Variants in ZBTB8B observed in about 807,000 individuals in gnomAD.
ZBTB8B encodes zinc finger and BTB domain containing 8B, also known as zinc finger and BTB domain-containing protein 8B.
ZBTB8B carries 17 observed loss-of-function variants against 30.3 expected under a neutral mutation model. The observed-to-expected ratio is 0.56, with a 90% CI of 0.38 to 0.84. The LOEUF (loss-of-function observed/expected upper bound fraction) is 0.84. Among genes scored for constraint, ZBTB8B ranks in the 40% least tolerant of loss-of-function variants. The probability of loss-of-function intolerance (pLI) is 0.00; values close to 1 mark genes in which losing one functional copy is unlikely to be tolerated. For synonymous variants in ZBTB8B, 248 were observed against 255.6 expected, an observed-to-expected ratio of 0.97 and a Z score of 0.28; for missense variants, 515 against 644.9, an observed-to-expected ratio of 0.80 and a Z score of 2.18.
rs1003434245 is a variant in ZBTB8B, at chr1:32,484,603, C to CTGG, written c.1171-497_1171-495dup. Among the ~76,000 whole-genome samples the CTGG allele has an allele frequency of 3.3e-5, 5 of 152,090 alleles. No homozygotes were observed. The highest frequency in any genetic ancestry group is 1.2e-4 in the African/African-American group (5 of 41,410). On this transcript the variant is annotated intron_variant, in intron 3 of 3. Coordinates refer to ENST00000609129, the MANE Select transcript of ZBTB8B (RefSeq NM_001145720.2). The surrounding 1 kb of genome is among the most constrained non-coding windows in gnomAD (Gnocchi z 4.5). Reference sequence around the variant, plus strand: ...TCATGTTGAAATGTAATCCCTAATGCTGGAAGTGGGGCCTGGTGGGAGGTG... The same window carrying CTGG: ...TCATGTTGAAATGTAATCCCTAATGCTGGTGGAAGTGGGGCCTGGTGGGAGGTG...
chr1:32,473,837 A>G (rs540349313), intron 2 of ZBTB8B, among the ~76,000 whole-genome samples: 7 of 148,364 alleles, frequency 4.7e-5, no homozygotes, highest in African/African-American at 1.7e-4. Context: ...GAAACTTTCT[A>G]ATTTCTGGGT....
intron 2 of ZBTB8B, among the ~76,000 whole-genome samples, 191 bp downstream of exon 2, chr1:32,471,806 A>G (rs552377114): frequency 2.0e-5 from 3 of 152,156 alleles, no homozygotes; most frequent in African/African-American, 7.2e-5. Flanking sequence ...CATCACTACC[A>G]TCATCACCAG....
At chr1:32,476,908 T>C (rs777907191) in intron 2 of ZBTB8B, among the ~76,000 whole-genome samples, 1 of 152,184 alleles carries the variant, frequency 6.6e-6, no homozygotes, top group Admixed American at 6.5e-5. Flanking sequence ...CCCAGGACCC[T>C]AGAACAGAGC....
rs540466051 is a variant in ZBTB8B, at chr1:32,472,897, G to A, written c.991+1282G>A. On this transcript the variant is annotated intron_variant, in intron 2 of 3. Coordinates refer to ENST00000609129, the MANE Select transcript of ZBTB8B (RefSeq NM_001145720.2). ...CTCCCAAAGTGCCAGGATTATAGGC[G>A]TGAGCCACTGTGCCCGGCTGACTTG... Among the ~76,000 whole-genome samples the A allele has an allele frequency of 1.9e-3, 297 of 152,350 alleles. 1 individual carries two copies. Among genetic ancestry groups the A allele is most frequent in the African/African-American group, 6.5e-3 (270 of 41,578 alleles).
In ZBTB8B at chr1:32,480,969, A is replaced by G. The variant is rs1643699830; in HGVS notation, c.1070A>G (p.Lys357Arg). 5 of 1,552,176 alleles carry G rather than the reference A, an allele frequency of 3.2e-6. No individual in the cohort carries two copies. The highest frequency in any genetic ancestry group is 3.5e-6 in the Non-Finnish European group (4 of 1,147,192). ...ACTGCCAAACAGAAGGGCATCCTCA[A>G]GCGGCACATCCGTTCACACACAGGC... ...PYTAKQKGIL[K>R]RHIRSHTGER... Residue 357 changes from lysine (K) to arginine (R), a missense_variant, in exon 3 of 4, where the codon AAG (lysine) becomes AGG (arginine). Lys to Arg is a conservative substitution (Grantham distance 26). Coordinates refer to ENST00000609129, the MANE Select transcript of ZBTB8B (RefSeq NM_001145720.2).
At position 32,489,221 on chromosome 1, in the gene ZBTB8B, G is replaced by A. The variant is rs1005825879; in HGVS notation, c.*3803G>A. ...CCAAGATCTGATTTAGGTTTATAAT[G>A]TGGAAACTTAGAAAATTCTGACTCA... On this transcript the variant is annotated 3_prime_UTR_variant, in exon 4 of 4. Transcript: ENST00000609129. The A allele has an allele frequency of 6.6e-6, 1 of 152,220 alleles. No individual in the cohort carries two copies. Among genetic ancestry groups the A allele is most frequent in the Non-Finnish European group, 1.5e-5 (1 of 68,046 alleles). 9.4% of individuals were successfully genotyped at this position (152,220 alleles called of 1,614,324 possible). A position where few individuals can be genotyped will look rare whatever the true frequency, so the allele number is the denominator to read the frequency against.
At chr1:32,482,494 A>G (rs760978878) in intron 3 of ZBTB8B, among the ~76,000 whole-genome samples, 8 of 150,908 alleles carry the variant, frequency 5.3e-5, no homozygotes, top group Non-Finnish European at 7.4e-5. Context: ...AACATGGTGA[A>G]ACCCTGTCTC....
rs575553246 is a variant in ZBTB8B at position 32,495,929 on chromosome 1, G to A, written c.*10511G>A. The A allele has an allele frequency of 3.3e-5, 5 of 152,082 alleles. No homozygotes were observed. The highest frequency in any genetic ancestry group is 1.2e-4 in the African/African-American group (5 of 41,484). The allele number at this position is 152,082 out of a possible 1,614,324, so 9.4% of individuals were successfully genotyped here. A position where few individuals can be genotyped will look rare whatever the true frequency, so the allele number is the denominator to read the frequency against. On this transcript the variant is annotated 3_prime_UTR_variant, in exon 4 of 4. Coordinates refer to ENST00000609129, the MANE Select transcript of ZBTB8B (RefSeq NM_001145720.2). ...TTGAATGAATGCAATAAGGAATTGA[G>A]GATCGTCTCACATTAATGAGTGAAT...
In ZBTB8B at chr1:32,489,330, T is replaced by G. The variant is rs766989854; in HGVS notation, c.*3912T>G. 4 of 152,228 alleles carry G rather than the reference T, an allele frequency of 2.6e-5. No individual in the cohort carries two copies. The highest frequency in any genetic ancestry group is 5.9e-5 in the Non-Finnish European group (4 of 68,038). 9.4% of individuals were successfully genotyped at this position (152,228 alleles called of 1,614,324 possible). On this transcript the variant is annotated 3_prime_UTR_variant, in exon 4 of 4. Coordinates refer to ENST00000609129, the MANE Select transcript of ZBTB8B (RefSeq NM_001145720.2). ...GAATCACTGGGAAGAAAACAGAATG[T>G]GACACCTAATGTTTAAATGATTCTC...
chr1:32,481,095 T>C, intron 3 of ZBTB8B, 26 bp downstream of exon 3: 1 of 1,528,422 alleles, frequency 6.5e-7, no homozygotes, highest in Non-Finnish European at 8.8e-7. Flanking sequence ...GGCCATGCCC[T>C]TGTGGCAAGA....
intron 1 of ZBTB8B, 62 bp from the exon 2 acceptor site, chr1:32,470,522 A>AT: frequency 2.6e-6 from 3 of 1,173,428 alleles, no homozygotes; most frequent in Non-Finnish European, 3.4e-6. Context: ...AAAAAAAAAA[A>AT]AAAAGAAATC....
chr1:32,468,969 C>T (rs1038439568), intron 1 of ZBTB8B, among the ~76,000 whole-genome samples: 5 of 151,832 alleles, frequency 3.3e-5, no homozygotes, highest in African/African-American at 9.7e-5. Flanking sequence ...GCAGGAGGAT[C>T]GCTTGAGGCA....
At position 32,482,153 on chromosome 1, in the gene ZBTB8B, TTTG is replaced by T. The variant is rs776728944; in HGVS notation, c.1170+1096_1170+1098del. Among the ~76,000 whole-genome samples, 5 of 152,040 alleles carry T rather than the reference TTTG, an allele frequency of 3.3e-5. No homozygotes were observed. In the South Asian group the frequency reaches 6.2e-4, roughly 19 times the overall value. ...CCACCATGCCCAGCTAACGTGTTTT[TTTG>T]TTGTTGTTGTTTTTTGTTTTTTTGT... On this transcript the variant is annotated intron_variant, in intron 3 of 3. Coordinates refer to ENST00000609129, the MANE Select transcript of ZBTB8B (RefSeq NM_001145720.2).
chr1:32,482,980 A>C (rs1643717145), intron 3 of ZBTB8B, among the ~76,000 whole-genome samples: 1 of 151,928 alleles, frequency 6.6e-6, no homozygotes, highest in African/African-American at 2.4e-5. Context: ...GCTCTCCTGC[A>C]TCAGCCTCTC....
intron 3 of ZBTB8B, 76 bp downstream of exon 3, chr1:32,481,145 C>T (rs1643702102): frequency 4.4e-6 from 6 of 1,355,004 alleles, no homozygotes. Flanking sequence ...TGAAGCCAGC[C>T]TGTCTTTCAT....
chr1:32,473,591 C>T (rs1171635427), intron 2 of ZBTB8B, among the ~76,000 whole-genome samples: 1 of 149,934 alleles, frequency 6.7e-6, no homozygotes, highest in Non-Finnish European at 1.5e-5. Context: ...CAGCTCACTG[C>T]AGCCTCGACC....
rs538559645 is a variant in ZBTB8B at position 32,491,115 on chromosome 1, G to A, written c.*5697G>A. The A allele has an allele frequency of 6.6e-6, 1 of 152,258 alleles. No homozygotes were observed. Among genetic ancestry groups the A allele is most frequent in the East Asian group, 1.9e-4 (1 of 5,194 alleles). 9.4% of individuals were successfully genotyped at this position (152,258 alleles called of 1,614,324 possible). ...TTGTCAGTTAATCAGTGGAGGTTAG[G>A]GCAGGGATTATGTGCTTTGATGAGG... On this transcript the variant is annotated 3_prime_UTR_variant, in exon 4 of 4. Coordinates refer to ENST00000609129, the MANE Select transcript of ZBTB8B (RefSeq NM_001145720.2).
At chr1:32,482,207 C>T (rs146644087) in intron 3 of ZBTB8B, among the ~76,000 whole-genome samples, 1,646 of 152,068 alleles carry the variant, frequency 0.011, 30 homozygotes, top group African/African-American at 0.035. Flanking sequence ...CCAGGTTGCC[C>T]AGGCTGGTCT....
chr1:32,467,983 G>A (rs530884934), intron 1 of ZBTB8B, among the ~76,000 whole-genome samples: 8 of 151,972 alleles, frequency 5.3e-5, no homozygotes, highest in Non-Finnish European at 1.2e-4. Context: ...TGGCGTGGGG[G>A]TGGGTACCTG....
Sources: allele counts gnomAD v4.1 joint callset (sites outside exome capture counted in the v4.1 genomes callset), GRCh38; gene constraint gnomAD v4.1.1; non-coding constraint Gnocchi (gnomAD v3.1); transcripts MANE v1.5; gene names NCBI Gene and HGNC (gene_info 2026-07-23, HGNC 2026-07-21).